The following STYK1 variants were observed in gnomAD, a reference collection of about 807,000 sequenced individuals.
The protein encoded by STYK1 is tyrosine-protein kinase STYK1.
Under a neutral mutation model 48.1 loss-of-function variants are expected in STYK1, and 46 were observed. The observed-to-expected ratio is 0.96, with a 90% CI of 0.75 to 1.22. The LOEUF (loss-of-function observed/expected upper bound fraction) is 1.22. Ranked by LOEUF, STYK1 falls within the 50% of genes most tolerant of loss-of-function variation. The pLI is 0.00. For missense variants in STYK1, 527 were observed against 521.1 expected (o/e 1.01, Z -0.11); for synonymous variants, 188 against 189.0 (o/e 0.99, Z 0.04).
intron 1 of STYK1, among the ~76,000 whole-genome samples, chr12:10,673,134 G>C (rs1470842013): frequency 6.6e-6 from 1 of 152,016 alleles, no homozygotes; most frequent in East Asian, 1.9e-4. Context: ...ATGAAGGGTT[G>C]ATAGAGAAAA....
intron 4 of STYK1, 84 bp downstream of exon 4, chr12:10,633,906 T>C: frequency 6.6e-7 from 1 of 1,522,938 alleles, no homozygotes; most frequent in Non-Finnish European, 8.9e-7. Context: ...CTTCTAGACA[T>C]GGGCTCATTG....
chr12:10,646,530 GA>G (rs1253946717), intron 1 of STYK1, among the ~76,000 whole-genome samples: 1 of 152,162 alleles, frequency 6.6e-6, no homozygotes, highest in African/African-American at 2.4e-5. Flanking sequence ...TTTTATAAGG[GA>G]AACAGAGCAC....
At chr12:10,631,007 T>C in intron 5 of STYK1, 38 bp downstream of exon 5, 2 of 1,606,102 alleles carry the variant, frequency 1.2e-6, no homozygotes, top group Non-Finnish European at 1.7e-6. Context: ...TAATATTTAC[T>C]GTTAGGGGAA....
Position 10,672,819 on chromosome 12 carries a change from T to C in STYK1, c.-195+1147A>G, listed in dbSNP as rs1947904003. ...TGGAGGCACTGAACGAAAAAGTATA[T>C]GATTTTCATTGAAGCAAATACTTCA... On this transcript the variant is annotated intron_variant, in intron 1 of 10. Coordinates refer to ENST00000075503, the MANE Select transcript of STYK1 (RefSeq NM_018423.3). This position sits in a 1 kb window ranked among gnomAD's most constrained non-coding sequence, Gnocchi z 4.0. 1.3e-5 allele frequency among the ~76,000 whole-genome samples: 2 copies of C among 152,160 alleles called. No individual in the cohort carries two copies. The highest frequency in any genetic ancestry group is 2.9e-5 in the Non-Finnish European group (2 of 68,030).
At chr12:10,635,228 C>T (rs186669415) in intron 2 of STYK1, among the ~76,000 whole-genome samples, 1 of 152,048 alleles carries the variant, frequency 6.6e-6, no homozygotes, top group Non-Finnish European at 1.5e-5. Flanking sequence ...TCAATTAATC[C>T]TCCTGCCTCA....
intron 1 of STYK1, among the ~76,000 whole-genome samples, chr12:10,657,907 G>A (rs142445797): frequency 4.6e-3 from 703 of 152,308 alleles, no homozygotes; most frequent in Non-Finnish European, 8.3e-3. Context: ...AGTGAAATGT[G>A]TTTTTGGTAA....
At chr12:10,652,904 CTT>C (rs1947677152) in intron 1 of STYK1, among the ~76,000 whole-genome samples, 1 of 152,136 alleles carries the variant, frequency 6.6e-6, no homozygotes, top group Admixed American at 6.5e-5. Flanking sequence ...TGAAATTCAT[CTT>C]GTTTTCCTCA....
chr12:10,630,120 T>A, intron 5 of STYK1, among the ~76,000 whole-genome samples: 1 of 149,604 alleles, frequency 6.7e-6, no homozygotes, highest in African/African-American at 2.5e-5. Flanking sequence ...GCATGATGGC[T>A]CACACCTGTA....
At chr12:10,630,109 G>C (rs1947408388) in intron 5 of STYK1, among the ~76,000 whole-genome samples, 1 of 148,824 alleles carries the variant, frequency 6.7e-6, no homozygotes, top group East Asian at 2.0e-4. Flanking sequence ...ATGTAAGCTG[G>C]GCATGATGGC....
intron 1 of STYK1, among the ~76,000 whole-genome samples, chr12:10,648,764 C>T (rs1947628439): frequency 6.6e-6 from 1 of 151,998 alleles, no homozygotes; most frequent in Non-Finnish European, 1.5e-5. Context: ...TGGGGCCTTG[C>T]CATGTTGCCC....
intron 1 of STYK1, among the ~76,000 whole-genome samples, chr12:10,651,321 T>C (rs1031555160): frequency 2.0e-5 from 3 of 152,308 alleles, no homozygotes; most frequent in African/African-American, 7.2e-5. Flanking sequence ...TCCAGTTTTC[T>C]TACAAGTCTC....
chr12:10,647,611 A>G (rs1947614619), intron 1 of STYK1, among the ~76,000 whole-genome samples: 1 of 152,130 alleles, frequency 6.6e-6, no homozygotes, highest in Non-Finnish European at 1.5e-5. Context: ...ACGGTTGGGA[A>G]GGCAATATTG....
chr12:10,647,995 T>C (rs895020447), intron 1 of STYK1, among the ~76,000 whole-genome samples: 5 of 152,186 alleles, frequency 3.3e-5, no homozygotes, highest in African/African-American at 1.2e-4. Context: ...GGTATGTCTT[T>C]ATCAGCAGCA....
At chr12:10,624,912 A>T in intron 7 of STYK1, 53 bp from the exon 8 acceptor site, 1 of 1,526,724 alleles carries the variant, frequency 6.5e-7, no homozygotes, top group Non-Finnish European at 9.1e-7. Flanking sequence ...AGCTTGGGTC[A>T]CAGACAAGGA....
At chr12:10,636,710 G>A (rs770504969) in intron 2 of STYK1, among the ~76,000 whole-genome samples, 29 of 152,204 alleles carry the variant, frequency 1.9e-4, no homozygotes, top group Admixed American at 9.2e-4. Flanking sequence ...CTTTTTAGTG[G>A]ATTATCAGAA....
chr12:10,650,219 T>C lies in STYK1; in HGVS notation c.-194-13023A>G, dbSNP rs529028636. Among the ~76,000 whole-genome samples, 228 of 151,388 alleles carry C rather than the reference T, an allele frequency of 1.5e-3. 1 individual carries two copies. Among genetic ancestry groups the C allele is most frequent in the African/African-American group, 5.2e-3 (216 of 41,296 alleles). ...TTGCCGACCTGGGAGAAAGCCAAGTTGGGACTCCCAGGAACAAAGTTAATG... is the reference window on the plus strand; with the variant it reads ...TTGCCGACCTGGGAGAAAGCCAAGTCGGGACTCCCAGGAACAAAGTTAATG... On this transcript the variant is annotated intron_variant, in intron 1 of 10. Transcript: ENST00000075503.
At chr12:10,666,228 C>T (rs1441274358) in intron 1 of STYK1, among the ~76,000 whole-genome samples, 2 of 152,278 alleles carry the variant, frequency 1.3e-5, no homozygotes, top group East Asian at 3.9e-4. Context: ...TGATTTTAAG[C>T]CTTTTTTCAC....
At chr12:10,670,103 A>T (rs1383644860) in intron 1 of STYK1, among the ~76,000 whole-genome samples, 1 of 152,178 alleles carries the variant, frequency 6.6e-6, no homozygotes, top group African/African-American at 2.4e-5. Flanking sequence ...CTACTATATG[A>T]TCCAGCAATC....
intron 8 of STYK1, 90 bp downstream of exon 8, chr12:10,624,561 T>C (rs1371316683): frequency 2.7e-6 from 3 of 1,118,822 alleles, no homozygotes; most frequent in Non-Finnish European, 4.0e-6. Flanking sequence ...ATTATATTCG[T>C]ATACAGAATT....
Sources: gnomAD v4.1 joint callset for allele counts (sites outside exome capture counted in the v4.1 genomes callset) on GRCh38, gnomAD v4.1.1 for gene constraint, Gnocchi (gnomAD v3.1) non-coding constraint, MANE v1.5 for transcripts, NCBI Gene and HGNC (gene_info 2026-07-23, HGNC 2026-07-21) for gene names.